MATN2: variants seen among roughly 807,000 people sequenced by gnomAD.
The protein encoded by MATN2 is matrilin 2, also known as matrilin-2.
A neutral mutation model predicts 103.2 loss-of-function variants in MATN2; 69 were observed. That is an observed-to-expected ratio of 0.67 (90% confidence interval 0.55 to 0.82). The LOEUF (loss-of-function observed/expected upper bound fraction) is 0.82, where lower values mean the gene tolerates loss of function less well. Among genes scored for constraint, MATN2 ranks in the 40% least tolerant of loss-of-function variants. The pLI, the probability that MATN2 is intolerant of heterozygous loss-of-function variation, is 0.00. For missense variants in MATN2, 1,023 were observed against 1,211.5 expected (o/e 0.84, Z 2.31); for synonymous variants, 429 against 450.2 (o/e 0.95, Z 0.60).
chr8:97,998,957 C>T (rs1342791617), intron 7 of MATN2, among the ~76,000 whole-genome samples: 1 of 152,202 alleles, frequency 6.6e-6, no homozygotes, highest in East Asian at 1.9e-4. Context: ...AGAACTTCTT[C>T]ACCCCAAACT....
intron 13 of MATN2, among the ~76,000 whole-genome samples, chr8:98,023,904 A>AC (rs1563732608): frequency 1.3e-5 from 2 of 152,220 alleles, no homozygotes; most frequent in African/African-American, 4.8e-5. Flanking sequence ...CATGGATGGA[A>AC]CTGGAAGCCA....
chr8:98,007,173 G>C lies in MATN2; in HGVS notation c.1396G>C (p.Val466Leu), dbSNP rs377254481. 1.4e-5 allele frequency: 22 copies of C among 1,613,664 alleles called. No individual in the cohort carries two copies. The highest frequency in any genetic ancestry group is 1.8e-5 in the Non-Finnish European group (21 of 1,179,834). The change falls in exon 9 of 19, where the codon GTC becomes CTC. Residue 466 changes from valine to leucine, a missense_variant. Val to Leu is a conservative substitution (Grantham distance 32). Transcript: ENST00000254898. This position sits in a 1 kb window ranked among gnomAD's most constrained non-coding sequence, Gnocchi z 4.2. ...GTGTCTGAACACGGAGGATTCCTTC[G>C]TCTGCCAGTGCTCAGAAGGCTTCCT... ...QLCLNTEDSF[V>L]CQCSEGFLIN...
At chr8:97,953,697 T>G (rs1261643691) in intron 4 of MATN2, among the ~76,000 whole-genome samples, 1 of 150,260 alleles carries the variant, frequency 6.7e-6, no homozygotes, top group Non-Finnish European at 1.5e-5. Context: ...TACTGAGGCA[T>G]GAGAATCGCT....
intron 13 of MATN2, 123 bp downstream of exon 13, chr8:98,021,450 A>G: frequency 9.3e-7 from 1 of 1,074,920 alleles, no homozygotes; most frequent in South Asian, 1.5e-5. Flanking sequence ...CATATGCACA[A>G]ATACAGAATG....
chr8:97,944,732 G>A (rs771722004), intron 4 of MATN2, among the ~76,000 whole-genome samples: 1 of 152,200 alleles, frequency 6.6e-6, no homozygotes, highest in African/African-American at 2.4e-5. Context: ...AGTGAAGGCT[G>A]TGCCATCTAC....
intron 2 of MATN2, among the ~76,000 whole-genome samples, chr8:97,915,090 G>A (rs774346387): frequency 2.6e-5 from 4 of 152,120 alleles, no homozygotes; most frequent in Non-Finnish European, 4.4e-5. Flanking sequence ...GGGCTCAAGC[G>A]ATCCTCCCGC....
intron 4 of MATN2, among the ~76,000 whole-genome samples, chr8:97,945,960 T>C (rs1210995152): frequency 6.6e-6 from 1 of 152,092 alleles, no homozygotes; most frequent in Non-Finnish European, 1.5e-5. Context: ...ACAGCTTGGA[T>C]CAGCGGTTGA....
rs949318840 is a variant in MATN2, at chr8:97,931,195, C to T, written c.385C>T (p.His129Tyr). 2.5e-6 allele frequency: 4 copies of T among 1,612,972 alleles called. No individual in the cohort carries two copies. The highest frequency in any genetic ancestry group is 3.4e-6 in the Non-Finnish European group (4 of 1,179,166). The change falls in exon 3 of 19, where the codon CAT becomes TAT. Residue 129 changes from histidine (H) to tyrosine (Y), a missense_variant. Coordinates refer to ENST00000254898, the MANE Select transcript of MATN2 (RefSeq NM_002380.5). This position sits in a 1 kb window ranked among gnomAD's most constrained non-coding sequence, Gnocchi z 4.1. ...GGAGCGTGCTGTCAAGAGGATGCGG[C>T]ATCTGTCCACGGGCACCATGACTGG... The part of the protein sequence containing the change: ...EVERAVKRMR[H>Y]LSTGTMTGLA...
intron 2 of MATN2, among the ~76,000 whole-genome samples, chr8:97,916,664 A>C (rs761578372): frequency 6.6e-6 from 1 of 152,234 alleles, no homozygotes; most frequent in Non-Finnish European, 1.5e-5. Flanking sequence ...TCAATTAAGA[A>C]AAAGACTGTT....
chr8:97,911,568 A>G (rs369232298), intron 2 of MATN2, among the ~76,000 whole-genome samples: 221 of 151,954 alleles, frequency 1.5e-3, no homozygotes, highest in African/African-American at 5.0e-3. Flanking sequence ...ATAGCTGGGC[A>G]TGGTGGCGTG....
intron 2 of MATN2, among the ~76,000 whole-genome samples, chr8:97,924,808 C>A (rs1006120035): frequency 1.3e-5 from 2 of 151,500 alleles, no homozygotes; most frequent in African/African-American, 2.4e-5. Context: ...AAGGAAAGAA[C>A]TGACCCCAGA....
chr8:97,911,018 T>C (rs1273509509), intron 2 of MATN2, among the ~76,000 whole-genome samples: 1 of 152,232 alleles, frequency 6.6e-6, no homozygotes, highest in Non-Finnish European at 1.5e-5. Context: ...AGACGTAGTC[T>C]AGCTCTCTTG....
In MATN2 at chr8:97,970,353, T is replaced by G. The variant is rs552746776; in HGVS notation, c.959-8533T>G. On this transcript the variant is annotated intron_variant, in intron 5 of 18. Coordinates refer to ENST00000254898, the MANE Select transcript of MATN2 (RefSeq NM_002380.5). ...GCTTTCACCCCAGCCCTGTTTTAGC[T>G]AGTTCTCAATCAGGTCCGATGTCTC... Among the ~76,000 whole-genome samples the G allele has an allele frequency of 4.7e-4, 72 of 152,230 alleles. 1 individual carries two copies. In the South Asian group the frequency reaches 0.015, roughly 31 times the overall value.
At chr8:97,875,245 C>G (rs1452071219) in intron 1 of MATN2, among the ~76,000 whole-genome samples, 3 of 152,170 alleles carry the variant, frequency 2.0e-5, no homozygotes, top group Non-Finnish European at 2.9e-5. Context: ...TGGGCTGCCT[C>G]ATTCTTAATA....
At chr8:97,961,104 C>T (rs996736733) in intron 4 of MATN2, among the ~76,000 whole-genome samples, 7 of 152,128 alleles carry the variant, frequency 4.6e-5, no homozygotes, top group South Asian at 2.1e-4. Context: ...CGTGAGCCAC[C>T]GCATGGCTGA....
chr8:97,981,218 G>C (rs1191100335), intron 6 of MATN2, among the ~76,000 whole-genome samples: 1 of 151,564 alleles, frequency 6.6e-6, no homozygotes, highest in Non-Finnish European at 1.5e-5. Context: ...GGATGATGTG[G>C]GTTTCAAAGA....
At chr8:98,011,310 G>C (rs1813151920) in intron 10 of MATN2, among the ~76,000 whole-genome samples, 1 of 151,830 alleles carries the variant, frequency 6.6e-6, no homozygotes, top group Admixed American at 6.5e-5. Context: ...TGTAAATTTT[G>C]GGGGAAACAG....
At chr8:97,908,677 A>G (rs1819261597) in intron 2 of MATN2, among the ~76,000 whole-genome samples, 1 of 151,986 alleles carries the variant, frequency 6.6e-6, no homozygotes. Context: ...TGCCACCCAG[A>G]CTGGAGTGTG....
At chr8:97,928,082 A>G (rs1810051234) in intron 2 of MATN2, among the ~76,000 whole-genome samples, 1 of 152,072 alleles carries the variant, frequency 6.6e-6, no homozygotes, top group Admixed American at 6.6e-5. Context: ...GCTCTTGGAG[A>G]GGGCCTGCCT....
Sources: gnomAD v4.1 joint callset for allele counts (sites outside exome capture counted in the v4.1 genomes callset) on GRCh38, gnomAD v4.1.1 for gene constraint, Gnocchi (gnomAD v3.1) non-coding constraint, MANE v1.5 for transcripts, NCBI Gene and HGNC (gene_info 2026-07-23, HGNC 2026-07-21) for gene names.